The following FAM81A variants were observed in gnomAD, a reference collection of about 807,000 sequenced individuals.
FAM81A encodes the protein family with sequence similarity 81 member A, also known as protein FAM81A.
In FAM81A, 19 loss-of-function variants were observed where a neutral mutation model predicts 46.7. The observed-to-expected ratio is 0.41, with a 90% confidence interval of 0.28 to 0.60. The LOEUF (loss-of-function observed/expected upper bound fraction) is 0.60. Among genes scored for constraint, FAM81A ranks in the 20% least tolerant of loss-of-function variants. The pLI is 0.34. For synonymous variants in FAM81A, 183 were observed against 152.9 expected (o/e 1.20, Z -1.45); for missense variants, 377 against 453.5 (o/e 0.83, Z 1.53).
intron 4 of FAM81A, among the ~76,000 whole-genome samples, chr15:59,498,692 C>T (rs181389474): frequency 3.7e-4 from 56 of 152,180 alleles, no homozygotes; most frequent in Admixed American, 7.9e-4. Context: ...CTTGCTCTGT[C>T]GCCCAAGCTA....
chr15:59,408,324 T>C (rs1340539529), intron 2 of FAM81A, among the ~76,000 whole-genome samples: 1 of 152,260 alleles, frequency 6.6e-6, no homozygotes, highest in Non-Finnish European at 1.5e-5. Flanking sequence ...GTTGTTTTAC[T>C]TCTTAAAATA....
At chr15:59,477,437 G>GGC (rs1313500479) in intron 3 of FAM81A, among the ~76,000 whole-genome samples, 1 of 152,160 alleles carries the variant, frequency 6.6e-6, no homozygotes. Flanking sequence ...TTCTTAAGAT[G>GGC]TGAAACTTAC....
intron 3 of FAM81A, among the ~76,000 whole-genome samples, chr15:59,472,924 T>G (rs778559977): frequency 1.3e-5 from 2 of 152,200 alleles, no homozygotes; most frequent in Non-Finnish European, 2.9e-5. Context: ...TCAGTTTTAT[T>G]TTTGGGTGCT....
intron 3 of FAM81A, among the ~76,000 whole-genome samples, chr15:59,466,963 C>T (rs566881920): frequency 3.9e-5 from 6 of 152,010 alleles, no homozygotes; most frequent in East Asian, 1.9e-4. Context: ...TTAAATAGGG[C>T]GTCCTTTCCC....
chr15:59,412,926 G>A lies in FAM81A; in HGVS notation c.-78+10568G>A, dbSNP rs1403070195. ...GTCCTCCCTGAGCTCCTTTTCAGGGGGAAAGAAATCAATCAAAAATTAAAA... is the reference window on the plus strand; with the variant it reads ...GTCCTCCCTGAGCTCCTTTTCAGGGAGAAAGAAATCAATCAAAAATTAAAA... On this transcript the variant is annotated intron_variant, in intron 2 of 4. Coordinates refer to the FAM81A transcript ENST00000558348. Among the ~76,000 whole-genome samples, 10 of 152,178 alleles carry A rather than the reference G, an allele frequency of 6.6e-5. No individual in the cohort carries two copies. In the East Asian group the frequency reaches 1.4e-3, roughly 21 times the overall value.
At chr15:59,415,875 T>C (rs2141545119) in intron 2 of FAM81A, among the ~76,000 whole-genome samples, 1 of 152,324 alleles carries the variant, frequency 6.6e-6, no homozygotes, top group African/African-American at 2.4e-5. Context: ...ATATCAATGA[T>C]TTGTTGTTAA....
intron 1 of FAM81A, among the ~76,000 whole-genome samples, chr15:59,451,878 A>G (rs1375892993): frequency 6.6e-6 from 1 of 152,228 alleles, no homozygotes; most frequent in African/African-American, 2.4e-5. Context: ...CAACAATATG[A>G]AATTACTTCA....
In FAM81A at chr15:59,460,603, A is replaced by G. The variant is rs893862049; in HGVS notation, c.294+397A>G. ...GCTTCAGATTAAATGTTTCTAGGTC[A>G]TAATGATTATATGTAATACAGTTTA... On this transcript the variant is annotated intron_variant, in intron 3 of 8. Transcript: ENST00000288228. This position sits in a 1 kb window ranked among gnomAD's most constrained non-coding sequence, Gnocchi z 4.4. 5.9e-6 allele frequency: 2 copies of G among 340,012 alleles called. No individual in the cohort carries two copies. The highest frequency in any genetic ancestry group is 2.5e-5 in the South Asian group (1 of 40,466). 21.1% of individuals were successfully genotyped at this position (340,012 alleles called of 1,614,324 possible). A position where few individuals can be genotyped will look rare whatever the true frequency, so the allele number is the denominator to read the frequency against.
At chr15:59,459,309 T>C (rs1012646518) in intron 2 of FAM81A, among the ~76,000 whole-genome samples, 2 of 152,204 alleles carry the variant, frequency 1.3e-5, no homozygotes, top group Non-Finnish European at 2.9e-5. Context: ...TTAAATACTT[T>C]TTAAATGAAT....
rs2081168411 is a variant in FAM81A, at chr15:59,421,006, ACCGCGCCCGGCC to A, written c.-78+18649_-78+18660del. Among the ~76,000 whole-genome samples the A allele has an allele frequency of 1.3e-5, 2 of 150,672 alleles. 1 individual carries two copies. ...AGTGCTGGGATTACAGGCGTGAGCC[ACCGCGCCCGGCC>A]AGGAAGGCTCTTGAAGAACGTGCTC... On this transcript the variant is annotated intron_variant, in intron 2 of 4. Coordinates refer to the FAM81A transcript ENST00000558348.
intron 1 of FAM81A, among the ~76,000 whole-genome samples, chr15:59,454,636 C>CT (rs2081460404): frequency 6.6e-6 from 1 of 150,980 alleles, no homozygotes; most frequent in South Asian, 2.1e-4. Flanking sequence ...TTTCTTTTTT[C>CT]TTTTTTTGAG....
At chr15:59,483,196 CCTGA>C (rs1199922572) in intron 3 of FAM81A, among the ~76,000 whole-genome samples, 1 of 152,042 alleles carries the variant, frequency 6.6e-6, no homozygotes, top group Non-Finnish European at 1.5e-5. Flanking sequence ...TGCCATCACG[CCTGA>C]CTAATTTTTG....
intron 4 of FAM81A, among the ~76,000 whole-genome samples, chr15:59,502,338 C>CA (rs1270586136): frequency 2.6e-5 from 4 of 151,504 alleles, no homozygotes; most frequent in African/African-American, 9.8e-5. Context: ...CCCGCTCCCC[C>CA]CCCAACAACA....
chr15:59,412,657 G>A (rs935032998), intron 2 of FAM81A, among the ~76,000 whole-genome samples: 1 of 151,890 alleles, frequency 6.6e-6, no homozygotes, highest in Non-Finnish European at 1.5e-5. Context: ...AGTCCAGGAG[G>A]TTGAGGCTGC....
At chr15:59,413,537 T>C (rs1199274314) in intron 2 of FAM81A, among the ~76,000 whole-genome samples, 2 of 152,070 alleles carry the variant, frequency 1.3e-5, no homozygotes, top group Non-Finnish European at 2.9e-5. Flanking sequence ...GATATAATCT[T>C]GGGCAAATCA....
In FAM81A at chr15:59,404,552, C is replaced by G. The variant is rs147073840; in HGVS notation, c.-78+2194C>G. Among the ~76,000 whole-genome samples, 139 of 152,292 alleles carry G rather than the reference C, an allele frequency of 9.1e-4. 2 individuals carry two copies. The East Asian group carries it at 0.023, about 26-fold the overall frequency. ...CATAGCTCACTGTAGCCTCCAACTC[C>G]TGGGCTCAAGCCGTCCTCCTACCTC... On this transcript the variant is annotated intron_variant, in intron 2 of 4. Coordinates refer to the FAM81A transcript ENST00000558348.
chr15:59,398,575 A>G (rs2081056579), intron 1 of FAM81A, among the ~76,000 whole-genome samples: 1 of 151,190 alleles, frequency 6.6e-6, no homozygotes, highest in Non-Finnish European at 1.5e-5. Context: ...CCTGACCAAC[A>G]TGGTGAAACC....
intron 3 of FAM81A, among the ~76,000 whole-genome samples, chr15:59,463,562 G>T (rs1596491759): frequency 6.6e-6 from 1 of 152,194 alleles, no homozygotes; most frequent in African/African-American, 2.4e-5. Context: ...TTTTAAAAAG[G>T]CTGGGTGCAG....
chr15:59,498,848 A>G (rs2082061302), intron 4 of FAM81A, among the ~76,000 whole-genome samples: 2 of 152,048 alleles, frequency 1.3e-5, no homozygotes, highest in African/African-American at 4.8e-5. Flanking sequence ...AGAGATGGGG[A>G]TTCGCCATAT....
Sources: allele counts gnomAD v4.1 joint callset (sites outside exome capture counted in the v4.1 genomes callset), GRCh38; gene constraint gnomAD v4.1.1; non-coding constraint Gnocchi (gnomAD v3.1); transcripts MANE v1.5; gene names NCBI Gene and HGNC (gene_info 2026-07-23, HGNC 2026-07-21).